NSMCE2: variants seen among roughly 807,000 people sequenced by gnomAD.
NSMCE2 encodes E3 SUMO-protein ligase NSE2.
In NSMCE2, 24 loss-of-function variants were observed where a neutral mutation model predicts 23.8. The ratio of observed to expected loss-of-function variants is 1.01; its 90% CI spans 0.73 to 1.42. The LOEUF is 1.42. Among genes scored for constraint, NSMCE2 ranks in the 40% most tolerant of loss-of-function variants. The pLI is 0.00. For synonymous variants in NSMCE2, 92 were observed against 94.1 expected, an observed-to-expected ratio of 0.98 and a Z score of 0.13; for missense variants, 284 against 296.5, an observed-to-expected ratio of 0.96 and a Z score of 0.31.
At chr8:125,108,267 G>A (rs918154488) in intron 3 of NSMCE2, among the ~76,000 whole-genome samples, 11 of 152,310 alleles carry the variant, frequency 7.2e-5, no homozygotes, top group African/African-American at 2.6e-4. Flanking sequence ...GGGTAATTCA[G>A]CAAGAACTTG....
chr8:125,188,172 A>G (rs544752680), intron 5 of NSMCE2, among the ~76,000 whole-genome samples: 54 of 152,336 alleles, frequency 3.5e-4, no homozygotes, highest in Admixed American at 3.0e-3. Context: ...TCTCTGAAGG[A>G]TACTATTAAG....
At chr8:125,155,530 C>G (rs1821261834) in intron 4 of NSMCE2, among the ~76,000 whole-genome samples, 1 of 152,086 alleles carries the variant, frequency 6.6e-6, no homozygotes. Context: ...CTACTATGTG[C>G]CAGGAACTAT....
chr8:125,352,476 CAA>C (rs1250506610), intron 5 of NSMCE2, among the ~76,000 whole-genome samples: 26 of 77,814 alleles, frequency 3.3e-4, no homozygotes, highest in Admixed American at 4.4e-4. Flanking sequence ...AAATCCATCT[CAA>C]AAAAAAAAAA....
rs138525174 is a variant in NSMCE2, at chr8:125,171,730, A to G, written c.265-10373A>G. 4.1e-4 allele frequency among the ~76,000 whole-genome samples: 63 copies of G among 152,330 alleles called. 1 individual carries two copies. The highest frequency in any genetic ancestry group is 3.4e-3 in the Middle Eastern group (1 of 294). ...TTGCTATAATAATAATAATAACAAC[A>G]ATGTGACCATAAGAATACCAGTAAT... On this transcript the variant is annotated intron_variant, in intron 4 of 7. Transcript: ENST00000287437.
Position 125,106,812 on chromosome 8 carries a change from A to G in NSMCE2, c.157+4325A>G, listed in dbSNP as rs573226770. On this transcript the variant is annotated intron_variant, in intron 3 of 7. Coordinates refer to ENST00000287437, the MANE Select transcript of NSMCE2 (RefSeq NM_173685.4). The stretch of plus-strand genomic sequence containing the variant: ...GGAGTTGGAGACCAGCCTGGCTAAC[A>G]TGACGAAAACCTGTCTCTACTAAAA... Among the ~76,000 whole-genome samples, 146 of 152,020 alleles carry G rather than the reference A, an allele frequency of 9.6e-4. 1 individual carries two copies. The highest frequency in any genetic ancestry group is 3.5e-3 in the Middle Eastern group (1 of 288).
In NSMCE2 at chr8:125,212,437, A is replaced by G. The variant is rs1225119031; in HGVS notation, c.418+30181A>G. Among the ~76,000 whole-genome samples, 33 of 152,142 alleles carry G rather than the reference A, an allele frequency of 2.2e-4. 1 individual carries two copies. Among genetic ancestry groups the G allele is most frequent in the Non-Finnish European group, 7.4e-5 (5 of 68,022 alleles). On this transcript the variant is annotated intron_variant, in intron 5 of 7. Transcript: ENST00000287437. ...AGAGCTGAGGCAGTGAGAGCCCGGT[A>G]TGTGCAGGAGGCTTTGTTCATGGCC...
intron 7 of NSMCE2, among the ~76,000 whole-genome samples, chr8:125,358,722 G>T (rs1813394286): frequency 6.6e-6 from 1 of 152,150 alleles, no homozygotes; most frequent in Admixed American, 6.5e-5. Flanking sequence ...TCCCTTTGAT[G>T]TGTGGCTTGC....
intron 4 of NSMCE2, among the ~76,000 whole-genome samples, chr8:125,170,758 A>G (rs1421197749): frequency 6.6e-6 from 1 of 151,966 alleles, no homozygotes; most frequent in Non-Finnish European, 1.5e-5. Context: ...ACCACCTCTC[A>G]CTGTTTCTCC....
At chr8:125,332,181 C>A (rs1324181002) in intron 5 of NSMCE2, among the ~76,000 whole-genome samples, 3 of 152,118 alleles carry the variant, frequency 2.0e-5, no homozygotes, top group African/African-American at 7.2e-5. Context: ...CTAAATAAAG[C>A]AAATTTGAGA....
At chr8:125,227,257 A>G (rs1430604288) in intron 5 of NSMCE2, among the ~76,000 whole-genome samples, 1 of 152,102 alleles carries the variant, frequency 6.6e-6, no homozygotes, top group East Asian at 1.9e-4. Flanking sequence ...TAGAGATTTT[A>G]TGAATGGTAG....
chr8:125,137,095 A>G lies in NSMCE2; in HGVS notation c.158-14076A>G, dbSNP rs572186392. On this transcript the variant is annotated intron_variant, in intron 3 of 7. Coordinates refer to ENST00000287437, the MANE Select transcript of NSMCE2 (RefSeq NM_173685.4). ...TTCATGAAATCAAAATTTTTTTTTT[A>G]CTTTCCAACAATAATCATAGAAATT... Among the ~76,000 whole-genome samples, 41 of 150,724 alleles carry G rather than the reference A, an allele frequency of 2.7e-4. No homozygotes were observed. The South Asian group carries it at 3.6e-3, about 13-fold the overall frequency.
intron 5 of NSMCE2, chr8:125,270,679 A>G (rs949138032): frequency 2.0e-5 from 3 of 152,266 alleles, no homozygotes; most frequent in South Asian, 2.1e-4. Flanking sequence ...GAGGCCGGCA[A>G]TTCTGGGCTA....
intron 7 of NSMCE2, among the ~76,000 whole-genome samples, chr8:125,358,738 C>T (rs1035592448): frequency 1.3e-5 from 2 of 152,126 alleles, no homozygotes; most frequent in African/African-American, 2.4e-5. Context: ...CTTGCTTCTC[C>T]ATTGCCCAGA....
chr8:125,348,298 A>C (rs1302542257), intron 5 of NSMCE2: 1 of 152,278 alleles, frequency 6.6e-6, no homozygotes, highest in African/African-American at 2.4e-5. Context: ...TTCTGATTAC[A>C]TTATATTAAT....
intron 1 of NSMCE2, among the ~76,000 whole-genome samples, chr8:125,100,594 C>T (rs1331399826): frequency 6.6e-6 from 1 of 151,778 alleles, no homozygotes; most frequent in Non-Finnish European, 1.5e-5. Flanking sequence ...CCGCGTCTTG[C>T]TCTGTTGCCC....
At chr8:125,178,085 G>A (rs1822584343) in intron 4 of NSMCE2, among the ~76,000 whole-genome samples, 2 of 152,168 alleles carry the variant, frequency 1.3e-5, no homozygotes, top group African/African-American at 4.8e-5. Context: ...ACATATGGCA[G>A]CAACTGCCCT....
At position 125,122,953 on chromosome 8, in the gene NSMCE2, T is replaced by C. The variant is rs553679249; in HGVS notation, c.157+20466T>C. 5.9e-5 allele frequency among the ~76,000 whole-genome samples: 9 copies of C among 152,268 alleles called. No individual in the cohort carries two copies. The East Asian group carries it at 1.5e-3, about 26-fold the overall frequency. On this transcript the variant is annotated intron_variant, in intron 3 of 7. Coordinates refer to ENST00000287437, the MANE Select transcript of NSMCE2 (RefSeq NM_173685.4). ...ACAATATGTAAACAAATGGATGTGA[T>C]TTGAATAGTAGTGGGCTGCACTTTA...
At chr8:125,284,858 A>G (rs1827834810) in intron 5 of NSMCE2, among the ~76,000 whole-genome samples, 1 of 152,238 alleles carries the variant, frequency 6.6e-6, no homozygotes, top group Admixed American at 6.5e-5. Context: ...GCTTATGAAA[A>G]GAGAACCTAA....
intron 4 of NSMCE2, among the ~76,000 whole-genome samples, chr8:125,160,371 T>C (rs1472721237): frequency 6.6e-6 from 1 of 151,578 alleles, no homozygotes; most frequent in Non-Finnish European, 1.5e-5. Context: ...GTTTGGAGAG[T>C]AGAGTGGGCA....
Sources: allele counts gnomAD v4.1 joint callset (sites outside exome capture counted in the v4.1 genomes callset), GRCh38; gene constraint gnomAD v4.1.1; transcripts MANE v1.5; gene names NCBI Gene and HGNC (gene_info 2026-07-23, HGNC 2026-07-21).